The following ROR2 variants were observed in gnomAD, a reference collection of about 807,000 sequenced individuals.
The protein encoded by ROR2 is ROR family WNT receptor 2.
Under a neutral mutation model 74.9 loss-of-function variants are expected in ROR2, and 33 were observed. The observed-to-expected ratio is 0.44, with a 90% CI of 0.33 to 0.59. The LOEUF is 0.59. Ranked by LOEUF, ROR2 falls within the 20% of genes least tolerant of loss-of-function variation. The pLI is 0.02. For synonymous variants in ROR2, 586 were observed against 558.7 expected (o/e 1.05, Z -0.69); for missense variants, 1,216 against 1,313.8 (o/e 0.93, Z 1.15).
chr9:91,774,043 A>T (rs1380336117), intron 2 of ROR2, among the ~76,000 whole-genome samples: 1 of 152,248 alleles, frequency 6.6e-6, no homozygotes, highest in African/African-American at 2.4e-5. Context: ...TATGGGGACA[A>T]TCAGTAAGTA....
At chr9:91,771,097 C>T (rs926980228) in intron 2 of ROR2, among the ~76,000 whole-genome samples, 6 of 152,326 alleles carry the variant, frequency 3.9e-5, no homozygotes, top group Admixed American at 3.9e-4. Flanking sequence ...TTTCACTACC[C>T]TGTTATTTAG....
chr9:91,766,953 CT>C (rs1301833762), intron 2 of ROR2, among the ~76,000 whole-genome samples: 1 of 152,256 alleles, frequency 6.6e-6, no homozygotes, highest in Non-Finnish European at 1.5e-5. Context: ...CCCACGTCAG[CT>C]CTCTGTGCAC....
At chr9:91,911,574 G>C (rs1830983089) in intron 1 of ROR2, among the ~76,000 whole-genome samples, 1 of 151,964 alleles carries the variant, frequency 6.6e-6, no homozygotes, top group African/African-American at 2.4e-5. Flanking sequence ...AGGGAAGTAG[G>C]GACCAAAGAA....
intron 1 of ROR2, among the ~76,000 whole-genome samples, chr9:91,811,898 C>T (rs1827761913): frequency 6.6e-6 from 1 of 152,184 alleles, no homozygotes; most frequent in African/African-American, 2.4e-5. Context: ...CCCAGGGGAG[C>T]TCCCCACACA....
At chr9:91,735,237 C>T (rs927272305) in intron 5 of ROR2, among the ~76,000 whole-genome samples, 2 of 152,220 alleles carry the variant, frequency 1.3e-5, no homozygotes, top group African/African-American at 4.8e-5. Flanking sequence ...TCTGTCCACA[C>T]CCTGAATGTC....
intron 1 of ROR2, among the ~76,000 whole-genome samples, chr9:91,837,504 G>A (rs901251602): frequency 7.9e-5 from 12 of 152,216 alleles, no homozygotes; most frequent in Admixed American, 6.5e-4. Flanking sequence ...GAAGGGAGGC[G>A]GGGAGAAGCC....
At chr9:91,748,479 G>A (rs1327508824) in intron 4 of ROR2, among the ~76,000 whole-genome samples, 1 of 151,984 alleles carries the variant, frequency 6.6e-6, no homozygotes, top group Admixed American at 6.6e-5. Context: ...AGTATTTGTA[G>A]AAAACTTTAA....
At chr9:91,864,540 CGCT>C (rs1199344508) in intron 1 of ROR2, among the ~76,000 whole-genome samples, 2 of 152,174 alleles carry the variant, frequency 1.3e-5, no homozygotes, top group Non-Finnish European at 2.9e-5. Flanking sequence ...TTTGCAGAGA[CGCT>C]GCCATAGATC....
intron 1 of ROR2, among the ~76,000 whole-genome samples, chr9:91,783,369 C>CTCAGCCTCACAGT (rs1329284181): frequency 7.9e-4 from 121 of 152,320 alleles, no homozygotes; most frequent in African/African-American, 2.7e-3. Flanking sequence ...AATGGCAAGG[C>CTCAGCCTCACAGT]TCAGCCTCAC....
At chr9:91,872,739 C>T (rs1829834917) in intron 1 of ROR2, among the ~76,000 whole-genome samples, 1 of 152,198 alleles carries the variant, frequency 6.6e-6, no homozygotes, top group African/African-American at 2.4e-5. Context: ...ACTCCCTTAG[C>T]AGCTCTTCAG....
intron 1 of ROR2, among the ~76,000 whole-genome samples, chr9:91,825,233 G>T (rs1245790026): frequency 6.6e-6 from 1 of 152,172 alleles, no homozygotes; most frequent in Admixed American, 6.5e-5. Flanking sequence ...ACGCAATAAA[G>T]TTAAAGCTTG....
At chr9:91,913,160 CAAAA>C (rs747073689) in intron 1 of ROR2, among the ~76,000 whole-genome samples, 1 of 150,886 alleles carries the variant, frequency 6.6e-6, no homozygotes, top group Non-Finnish European at 1.5e-5. Context: ...AAAAACAAAA[CAAAA>C]AAAGGCCAGC....
chr9:91,827,171 T>C (rs1433996369), intron 1 of ROR2, among the ~76,000 whole-genome samples: 1 of 152,300 alleles, frequency 6.6e-6, no homozygotes, highest in East Asian at 1.9e-4. Context: ...CCCCTAACTA[T>C]ATGCTCCATA....
intron 1 of ROR2, among the ~76,000 whole-genome samples, chr9:91,777,958 G>A (rs1826475965): frequency 6.6e-6 from 1 of 152,228 alleles, no homozygotes; most frequent in Non-Finnish European, 1.5e-5. Flanking sequence ...GACTCGGGGG[G>A]TCTGTCTCCA....
chr9:91,856,174 TG>T (rs1416682472), intron 1 of ROR2, among the ~76,000 whole-genome samples: 1 of 152,060 alleles, frequency 6.6e-6, no homozygotes, highest in African/African-American at 2.4e-5. Flanking sequence ...CTGGGCAACA[TG>T]GCAAGACCCT....
chr9:91,850,326 C>A (rs1294647082), intron 1 of ROR2, among the ~76,000 whole-genome samples: 2 of 152,192 alleles, frequency 1.3e-5, no homozygotes, highest in Non-Finnish European at 2.9e-5. Context: ...ACATTGTAAT[C>A]CCCAGAACCT....
intron 2 of ROR2, among the ~76,000 whole-genome samples, chr9:91,767,108 C>G (rs1003101083): frequency 7.3e-5 from 11 of 150,726 alleles, no homozygotes; most frequent in Non-Finnish European, 1.0e-4. Context: ...CGGAGGCTCG[C>G]TCTGTCGCCA....
intron 1 of ROR2, among the ~76,000 whole-genome samples, chr9:91,847,398 C>T (rs549568679): frequency 2.6e-5 from 4 of 152,192 alleles, no homozygotes; most frequent in East Asian, 1.9e-4. Context: ...GGTCCCTCGA[C>T]GCCCCCTTGC....
intron 1 of ROR2, among the ~76,000 whole-genome samples, chr9:91,903,621 AC>A (rs1449039797): frequency 6.6e-6 from 1 of 152,122 alleles, no homozygotes; most frequent in Non-Finnish European, 1.5e-5. Context: ...TTTCTCCTAA[AC>A]CAGCCCCTAA....
Sources: allele counts gnomAD v4.1 joint callset (sites outside exome capture counted in the v4.1 genomes callset), GRCh38; gene constraint gnomAD v4.1.1; transcripts MANE v1.5; gene names NCBI Gene and HGNC (gene_info 2026-07-23, HGNC 2026-07-21).